The following TNS1 variants were observed in gnomAD, a reference collection of about 807,000 sequenced individuals.
The protein encoded by TNS1 is tensin-1.
Under a neutral mutation model 168.6 loss-of-function variants are expected in TNS1, and 62 were observed. The ratio of observed to expected loss-of-function variants is 0.37; its 90% CI spans 0.30 to 0.45. TNS1 has a LOEUF of 0.45. Among genes scored for constraint, TNS1 ranks in the 20% least tolerant of loss-of-function variants. TNS1 has a pLI of 1.00. For missense variants in TNS1, 2,240 were observed against 2,339.4 expected, an observed-to-expected ratio of 0.96 and a Z score of 0.88; for synonymous variants, 934 against 933.2, an observed-to-expected ratio of 1.00 and a Z score of -0.02.
At chr2:217,805,454 T>TACACAC (rs1436500425) in intron 32 of TNS1, among the ~76,000 whole-genome samples, 2 of 38,368 alleles carry the variant, frequency 5.2e-5, no homozygotes, top group Non-Finnish European at 9.8e-5. Flanking sequence ...ATACACACCA[T>TACACAC]CACACACACC....
intron 1 of TNS1, among the ~76,000 whole-genome samples, chr2:217,994,776 T>G (rs1260404440): frequency 1.3e-5 from 2 of 152,232 alleles, no homozygotes. Flanking sequence ...GGGACAGGGC[T>G]TCAGGTCCAT....
chr2:217,892,845 G>A, intron 11 of TNS1, 103 bp downstream of exon 11: 1 of 1,320,252 alleles, frequency 7.6e-7, no homozygotes, highest in Non-Finnish European at 1.1e-6. Flanking sequence ...TTCCCTCTGT[G>A]CGTATCCCCT....
At chr2:217,982,138 C>T (rs1958068276) in intron 2 of TNS1, among the ~76,000 whole-genome samples, 1 of 152,188 alleles carries the variant, frequency 6.6e-6, no homozygotes. Context: ...ACTCAAGCAG[C>T]CCTATGGAGA....
chr2:217,808,013 G>C, intron 32 of TNS1, 62 bp downstream of exon 32: 2 of 1,591,068 alleles, frequency 1.3e-6, no homozygotes, highest in Non-Finnish European at 1.7e-6. Context: ...TGTGCCCCGT[G>C]CTTCCCTCAC....
At chr2:217,846,247 T>C (rs974721473) in intron 19 of TNS1, among the ~76,000 whole-genome samples, 2 of 152,186 alleles carry the variant, frequency 1.3e-5, no homozygotes, top group Non-Finnish European at 1.5e-5. Flanking sequence ...TAAATACTCC[T>C]GCAATGGCCA....
At chr2:217,941,289 T>C (rs1443156044) in intron 3 of TNS1, among the ~76,000 whole-genome samples, 4 of 152,196 alleles carry the variant, frequency 2.6e-5, no homozygotes, top group African/African-American at 9.6e-5. Flanking sequence ...ACAGGGAACA[T>C]GGGCTCTAAC....
chr2:217,869,964 G>C (rs893168305), intron 18 of TNS1, among the ~76,000 whole-genome samples: 2 of 151,924 alleles, frequency 1.3e-5, no homozygotes, highest in Non-Finnish European at 2.9e-5. Flanking sequence ...CCAACATCCC[G>C]CTAAGGTCCC....
chr2:218,029,591 A>G (rs13427373), intron 1 of TNS1, among the ~76,000 whole-genome samples: 35,111 of 152,246 alleles, frequency 0.23, 5,156 homozygotes, highest in East Asian at 0.41. Flanking sequence ...GGAACGCTCA[A>G]GACCACACCC....
At chr2:217,966,302 TGTGTGTGCGCGCGCGCGC>T (rs1294955021) in intron 3 of TNS1, among the ~76,000 whole-genome samples, 1 of 140,736 alleles carries the variant, frequency 7.1e-6, no homozygotes, top group Non-Finnish European at 1.5e-5. Flanking sequence ...TGTGTGTGTG[TGTGTGTGCGCGCGCGCGC>T]GTGTGTAAGG....
chr2:217,953,891 G>T (rs1374393799), intron 3 of TNS1, among the ~76,000 whole-genome samples: 1 of 152,238 alleles, frequency 6.6e-6, no homozygotes, highest in African/African-American at 2.4e-5. Flanking sequence ...GAGACACCAG[G>T]TGGCCAGCTG....
intron 3 of TNS1, among the ~76,000 whole-genome samples, chr2:217,938,892 G>A (rs1163322145): frequency 2.6e-5 from 4 of 152,066 alleles, no homozygotes; most frequent in African/African-American, 7.2e-5. Context: ...GACAGAGTGG[G>A]GGAAGAGAAG....
At chr2:217,837,449 G>A (rs542224947) in intron 19 of TNS1, among the ~76,000 whole-genome samples, 3 of 152,320 alleles carry the variant, frequency 2.0e-5, no homozygotes, top group African/African-American at 4.8e-5. Flanking sequence ...CCAAGCCTAC[G>A]GGCAGACACA....
chr2:217,830,523 T>C, intron 22 of TNS1: 3 of 1,063,140 alleles, frequency 2.8e-6, no homozygotes, highest in Non-Finnish European at 4.1e-6. Context: ...CCCTCCACCA[T>C]AAGAAGGAGA....
At chr2:218,031,519 T>C (rs939744511) in intron 1 of TNS1, among the ~76,000 whole-genome samples, 4 of 135,700 alleles carry the variant, frequency 2.9e-5, no homozygotes, top group Non-Finnish European at 6.5e-5. Context: ...TGAGTGTGTC[T>C]TGTGTGAGTG....
chr2:217,869,041 G>A (rs185155401), intron 18 of TNS1, among the ~76,000 whole-genome samples: 1 of 152,216 alleles, frequency 6.6e-6, no homozygotes, highest in Non-Finnish European at 1.5e-5. Flanking sequence ...AGTAGAGGGA[G>A]GGTTATCAAA....
At chr2:218,024,047 G>A (rs993971500) in intron 1 of TNS1, among the ~76,000 whole-genome samples, 6 of 152,192 alleles carry the variant, frequency 3.9e-5, no homozygotes, top group South Asian at 4.1e-4. Context: ...TCTATACTCC[G>A]AAGCTGACAC....
chr2:217,866,530 C>T (rs1038072595), intron 18 of TNS1, among the ~76,000 whole-genome samples: 2 of 152,200 alleles, frequency 1.3e-5, no homozygotes, highest in Admixed American at 6.5e-5. Flanking sequence ...TCTGTAAACA[C>T]ACACCAGGCT....
At chr2:218,010,286 A>G (rs921961679) in exon 1 of TNS1, 78 of 397,312 alleles carry the variant, frequency 2.0e-4, no homozygotes, top group Non-Finnish European at 3.1e-5. Flanking sequence ...GGGGCGGGGT[A>G]GGAAGGCGGG....
intron 1 of TNS1, among the ~76,000 whole-genome samples, chr2:218,017,561 C>T (rs1196281599): frequency 1.3e-5 from 2 of 152,244 alleles, no homozygotes; most frequent in Non-Finnish European, 2.9e-5. Flanking sequence ...CCACTGTCCC[C>T]ACCCTCACCT....
Sources: allele counts gnomAD v4.1 joint callset (sites outside exome capture counted in the v4.1 genomes callset), GRCh38; gene constraint gnomAD v4.1.1; transcripts MANE v1.5; gene names NCBI Gene and HGNC (gene_info 2026-07-23, HGNC 2026-07-21).